Variants in MAP3K7CL observed in about 807,000 individuals in gnomAD.
The protein encoded by MAP3K7CL is MAP3K7 C-terminal like, also known as MAP3K7 C-terminal-like protein.
In MAP3K7CL, 16 loss-of-function variants were observed where a neutral mutation model predicts 18.6. The observed-to-expected ratio is 0.86, with a 90% CI of 0.58 to 1.31. The LOEUF is 1.31. Among genes scored for constraint, MAP3K7CL ranks in the 50% most tolerant of loss-of-function variants. The probability of loss-of-function intolerance (pLI) is 0.00; values close to 1 mark genes in which losing one functional copy is unlikely to be tolerated. For missense variants in MAP3K7CL, 163 were observed against 174.4 expected (o/e 0.93, Z 0.37); for synonymous variants, 65 against 66.8 (o/e 0.97, Z 0.13).
chr21:29,085,291 A>C (rs1356270149), upstream of MAP3K7CL: 1 of 152,366 alleles, frequency 6.6e-6, no homozygotes, highest in African/African-American at 2.4e-5. Context: ...CTTGCTCACC[A>C]GAACTTGAGA....
upstream of MAP3K7CL, among the ~76,000 whole-genome samples, chr21:29,126,212 C>T (rs1269092175): frequency 6.6e-6 from 1 of 152,238 alleles, no homozygotes; most frequent in Admixed American, 6.5e-5. Flanking sequence ...GATGTTCGAT[C>T]TGGAGAGGCT....
chr21:29,170,637 C>CT (rs201868687), intron 4 of MAP3K7CL, among the ~76,000 whole-genome samples: 55 of 149,000 alleles, frequency 3.7e-4, no homozygotes, highest in Middle Eastern at 7.0e-3. Flanking sequence ...CTCTCTTTCT[C>CT]TTTTTTTTTT....
At chr21:29,128,824 C>T (rs180745763), upstream of MAP3K7CL, among the ~76,000 whole-genome samples, 24 of 151,988 alleles carry the variant, frequency 1.6e-4, no homozygotes, top group South Asian at 3.7e-3. Context: ...AAAATGAGGT[C>T]GTGAATAAGA....
At chr21:29,108,045 C>T (rs2832179) in intron 4 of MAP3K7CL, among the ~76,000 whole-genome samples, 74,969 of 151,560 alleles carry the variant, frequency 0.49, 18,605 homozygotes, top group East Asian at 0.63. Flanking sequence ...AGTTAATTTC[C>T]TGGGAAGGAA....
At chr21:29,108,936 C>G (rs1192486025) in intron 4 of MAP3K7CL, 3 of 1,006,146 alleles carry the variant, frequency 3.0e-6, no homozygotes, top group Non-Finnish European at 4.2e-6. Flanking sequence ...ATGAGAAATG[C>G]ATGAATGCTT....
chr21:29,081,572 A>G (rs906174484), upstream of MAP3K7CL, among the ~76,000 whole-genome samples: 3 of 152,176 alleles, frequency 2.0e-5, no homozygotes, highest in Non-Finnish European at 2.9e-5. Context: ...AAAATTGTTT[A>G]TGGTCTGTAA....
At chr21:29,093,151 G>A (rs530552989) in intron 4 of MAP3K7CL, among the ~76,000 whole-genome samples, 10 of 152,320 alleles carry the variant, frequency 6.6e-5, no homozygotes, top group African/African-American at 9.6e-5. Flanking sequence ...TGATCCGCCC[G>A]CCTCGTCCTC....
intron 4 of MAP3K7CL, among the ~76,000 whole-genome samples, chr21:29,173,402 A>G (rs139813826): frequency 4.2e-4 from 64 of 152,354 alleles, no homozygotes; most frequent in African/African-American, 1.3e-3. Context: ...ATTTAAAAAT[A>G]CACATTAATT....
At chr21:29,147,891 G>C (rs1444322530) in intron 2 of MAP3K7CL, among the ~76,000 whole-genome samples, 1 of 151,328 alleles carries the variant, frequency 6.6e-6, no homozygotes, top group Admixed American at 6.6e-5. Flanking sequence ...GTATGTGTAT[G>C]TGTACTGTAT....
chr21:29,101,694 C>T (rs868120407), intron 4 of MAP3K7CL, among the ~76,000 whole-genome samples: 1 of 152,222 alleles, frequency 6.6e-6, no homozygotes, highest in African/African-American at 2.4e-5. Flanking sequence ...AGGCTTCAGG[C>T]ACCGTGCCCG....
rs192121852 is a variant in MAP3K7CL, at chr21:29,118,065, G to A, written c.370+25484G>A. On this transcript the variant is annotated intron_variant, in intron 4 of 6. Coordinates refer to the MAP3K7CL transcript ENST00000286791. ...TTAGAATTGTAAGAAACTTTAGAGA[G>A]TATTAATTTAATTTTTTTAAATTAA... Among the ~76,000 whole-genome samples, 7 of 148,662 alleles carry A rather than the reference G, an allele frequency of 4.7e-5. No individual in the cohort carries two copies. The East Asian group carries it at 1.0e-3, about 21-fold the overall frequency.
At chr21:29,155,902 A>C (rs531204251) in intron 3 of MAP3K7CL, among the ~76,000 whole-genome samples, 166 of 152,336 alleles carry the variant, frequency 1.1e-3, no homozygotes, top group South Asian at 2.7e-3. Flanking sequence ...CCTCCTAAGA[A>C]CTGGCTGCGT....
At chr21:29,166,846 G>C (rs998780597) in intron 4 of MAP3K7CL, among the ~76,000 whole-genome samples, 2 of 152,174 alleles carry the variant, frequency 1.3e-5, no homozygotes, top group Non-Finnish European at 2.9e-5. Context: ...TGGCTATTGT[G>C]AATAACGCTG....
chr21:29,077,149 C>T (rs1372467004), upstream of MAP3K7CL, among the ~76,000 whole-genome samples: 99 of 152,384 alleles, frequency 6.5e-4, no homozygotes, highest in East Asian at 1.9e-4. Flanking sequence ...GGATCACGCA[C>T]TAGGGCTACA....
chr21:29,124,328 C>G (rs989429021), intron 4 of MAP3K7CL, among the ~76,000 whole-genome samples: 1 of 137,390 alleles, frequency 7.3e-6, no homozygotes, highest in African/African-American at 2.7e-5. Flanking sequence ...TGCTCTAGCC[C>G]GGGCAACAGA....
At chr21:29,169,260 C>T (rs539755534) in intron 4 of MAP3K7CL, among the ~76,000 whole-genome samples, 1 of 152,136 alleles carries the variant, frequency 6.6e-6, no homozygotes, top group Admixed American at 6.5e-5. Context: ...GCAGTGTTGC[C>T]CTTTGCTTCC....
At chr21:29,146,490 G>A (rs1188509304) in intron 2 of MAP3K7CL, among the ~76,000 whole-genome samples, 1 of 152,166 alleles carries the variant, frequency 6.6e-6, no homozygotes, top group Admixed American at 6.5e-5. Context: ...TGCAAACATT[G>A]GGGTGGATTT....
chr21:29,113,460 T>C (rs550170533), intron 4 of MAP3K7CL, among the ~76,000 whole-genome samples: 1 of 152,312 alleles, frequency 6.6e-6, no homozygotes, highest in Non-Finnish European at 1.5e-5. Context: ...TGTGTAAATC[T>C]GAACAATCCA....
At chr21:29,092,691 G>T in intron 4 of MAP3K7CL, 1 of 1,232,310 alleles carries the variant, frequency 8.1e-7, no homozygotes, top group Admixed American at 1.9e-5. Flanking sequence ...CAGGGATCTG[G>T]GTCAGAGCAG....
Sources: gnomAD v4.1 joint callset for allele counts (sites outside exome capture counted in the v4.1 genomes callset) on GRCh38, gnomAD v4.1.1 for gene constraint, MANE v1.5 for transcripts, NCBI Gene and HGNC (gene_info 2026-07-23, HGNC 2026-07-21) for gene names.